Variants in STARD8 observed in about 807,000 individuals in gnomAD.
STARD8 encodes StAR related lipid transfer domain containing 8.
In STARD8, 25 loss-of-function variants were observed where a neutral mutation model predicts 69.4. The observed-to-expected ratio is 0.36, with a 90% CI of 0.26 to 0.50. The LOEUF is 0.50. STARD8 is among the 20% of genes least tolerant of loss of function. The pLI is 0.96. For synonymous variants in STARD8, 389 were observed against 374.6 expected (o/e 1.04, Z -0.45); for missense variants, 921 against 932.5 (o/e 0.99, Z 0.16).
chrX:68,700,146 A>G (rs773583907), intron 2 of STARD8, among the ~76,000 whole-genome samples: 1 of 111,996 alleles, frequency 8.9e-6, no homozygotes, highest in African/African-American at 3.2e-5. Flanking sequence ...TAGAAGAGTG[A>G]ATCAGACAGT....
chrX:68,722,043 C>G lies in STARD8; in HGVS notation c.2460-4C>G, dbSNP rs780010901. ...CTCCTCTCACCACCTCCTGCTCCAT[C>G]TAGGATCAAGAGCAAACGCAGCCTC... On this transcript the variant is annotated splice_polypyrimidine_tract_variant and splice_region_variant and intron_variant, in intron 10 of 14. Transcript: ENST00000374599. 1.6e-5 allele frequency: 19 copies of G among 1,188,314 alleles called. No individual in the cohort carries two copies. Among genetic ancestry groups the G allele is most frequent in the Non-Finnish European group, 2.2e-5 (19 of 877,782 alleles).
At chrX:68,677,306 C>T (rs1193348820) in intron 2 of STARD8, among the ~76,000 whole-genome samples, 1 of 111,558 alleles carries the variant, frequency 9.0e-6, no homozygotes, top group Non-Finnish European at 1.9e-5. Flanking sequence ...ATAGACATGT[C>T]CTCTTCTCCT....
intron 2 of STARD8, 106 bp downstream of exon 2, chrX:68,665,638 C>G (rs757563545): frequency 3.2e-5 from 28 of 868,996 alleles, no homozygotes; most frequent in Non-Finnish European, 4.1e-5. Context: ...AGCCAACGGC[C>G]GAGATGCAAA....
At chrX:68,708,368 A>T (rs764249347) in intron 2 of STARD8, among the ~76,000 whole-genome samples, 19 of 112,623 alleles carry the variant, frequency 1.7e-4, no homozygotes, top group Non-Finnish European at 3.0e-4. Flanking sequence ...CATAAGCCCT[A>T]TGCTTGAGTG....
At chrX:68,653,132 CCACACACCA>C (rs1198148983) in intron 1 of STARD8, among the ~76,000 whole-genome samples, 2 of 50,230 alleles carry the variant, frequency 4.0e-5, no homozygotes, top group Non-Finnish European at 7.6e-5. Context: ...CACACACACA[CCACACACCA>C]CACACACCAC....
rs1367736313 is a variant in STARD8 at position 68,661,968 on chromosome X, CTCTCTT to C, written c.46-3527_46-3522del. Among the ~76,000 whole-genome samples the C allele has an allele frequency of 6.8e-3, 507 of 74,337 alleles. 1 individual carries two copies. Among genetic ancestry groups the C allele is most frequent in the African/African-American group, 0.019 (220 of 11,870 alleles). The allele number at this position is 74,337 out of a possible 115,157, so 64.6% of individuals were successfully genotyped here. ...TTCCTCTCTCTCTCTCTCTCTCTCT[CTCTCTT>C]TCTTTCTTTCTTTCTTTCTTTCTTT... is the stretch of plus-strand genomic sequence containing the variant. On this transcript the variant is annotated intron_variant, in intron 1 of 14. Transcript: ENST00000374599.
chrX:68,660,002 T>G (rs1036113475), intron 1 of STARD8, among the ~76,000 whole-genome samples: 1 of 110,768 alleles, frequency 9.0e-6, no homozygotes, highest in African/African-American at 3.3e-5. Context: ...CGGGGGTGGA[T>G]GAGTAGGTAT....
intron 2 of STARD8, among the ~76,000 whole-genome samples, chrX:68,683,069 C>G (rs2079810247): frequency 8.9e-6 from 1 of 112,431 alleles, no homozygotes; most frequent in South Asian, 3.7e-4. Flanking sequence ...GTGCATGGCT[C>G]AGCCCCAGGA....
In STARD8 at chrX:68,709,828, GA is replaced by G. The variant is rs1243466941; in HGVS notation, c.80-3076del. ...ACAGAGTGAAACCCTGTCTCAAAAA[GA>G]AAAAAAAAACCCATAAACATGAAAA... On this transcript the variant is annotated intron_variant, in intron 2 of 14. Transcript: ENST00000374599. 2.2e-3 allele frequency among the ~76,000 whole-genome samples: 206 copies of G among 94,129 alleles called. 2 individuals carry two copies. The East Asian group carries it at 0.049, about 23-fold the overall frequency. 81.7% of individuals were successfully genotyped at this position (94,129 alleles called of 115,157 possible).
chrX:68,699,247 G>A (rs1353691806), intron 2 of STARD8, among the ~76,000 whole-genome samples: 2 of 111,833 alleles, frequency 1.8e-5, no homozygotes, highest in Non-Finnish European at 1.9e-5. Context: ...AACCCCTCTA[G>A]AGGTAGGTAT....
In STARD8 at chrX:68,722,056, C is replaced by A; in HGVS notation, c.2469C>A (p.Ser823Arg). ...CTCCTGCTCCATCTAGGATCAAGAG[C>A]AAACGCAGCCTCATTGGCAGGCCAG... The part of the protein sequence containing the change: ...KKDSPSPRIK[S>R]KRSLIGRPGP... Residue 823 changes from serine to arginine, a missense_variant, in exon 11 of 15, where the codon AGC (serine) becomes AGA (arginine). Ser to Arg is a moderately radical substitution (Grantham distance 110). Transcript: ENST00000374599. 1 of 1,200,018 alleles carries A rather than the reference C, an allele frequency of 8.3e-7. No homozygotes were observed. Among genetic ancestry groups the A allele is most frequent in the African/African-American group, 1.7e-5 (1 of 57,579 alleles).
intron 2 of STARD8, among the ~76,000 whole-genome samples, chrX:68,690,120 G>C (rs1370607834): frequency 9.1e-6 from 1 of 110,061 alleles, no homozygotes; most frequent in Non-Finnish European, 1.9e-5. Flanking sequence ...CAAGCCACCA[G>C]GGAGCAGGCT....
intron 3 of STARD8, 149 bp downstream of exon 3, chrX:68,713,134 G>A: frequency 1.9e-6 from 1 of 527,290 alleles, no homozygotes; most frequent in Non-Finnish European, 3.1e-6. Flanking sequence ...CTTTGCTCCT[G>A]CAGTTGCACC....
In STARD8 at chrX:68,718,576, G is replaced by A; in HGVS notation, c.1662G>A (p.Met554Ile). ...CCCTGGCTGGACTCCAGGCATCAATGCCCCGTGAACGGCGCGATTCAGGTG... is the reference window on the plus strand; with the variant it reads ...CCCTGGCTGGACTCCAGGCATCAATACCCCGTGAACGGCGCGATTCAGGTG... ...AGPLAGLQAS[M>I]PRERRDSGVG... The change falls in exon 6 of 15, where the codon ATG becomes ATA. Residue 554 changes from methionine (M) to isoleucine (I), a missense_variant. Physicochemically the swap from Met to Ile is conservative, Grantham distance 10. Coordinates refer to ENST00000374599, the MANE Select transcript of STARD8 (RefSeq NM_001142503.3). 5.0e-6 allele frequency: 6 copies of A among 1,211,121 alleles called. No homozygotes were observed. In the South Asian group the frequency reaches 8.8e-5, roughly 18 times the overall value.
In STARD8 at chrX:68,722,488, C is replaced by T; in HGVS notation, c.2641C>T (p.Pro881Ser). 1 of 1,210,793 alleles carries T rather than the reference C, an allele frequency of 8.3e-7. No homozygotes were observed. Residue 881 changes from proline to serine, a missense_variant, in exon 12 of 15, where the codon CCA (proline) becomes TCA (serine). Physicochemically the swap from Pro to Ser is moderately conservative, Grantham distance 74. Transcript: ENST00000374599. The part of the protein sequence containing the change: ...YSAAELSPPG[P>S]ALAELRQAQA... ...CGCAGCTGAGCTCAGCCCTCCCGGC[C>T]CAGCCCTGGCTGAGCTGCGTCAGGC...
At chrX:68,649,148 G>A (rs1343514527) in intron 1 of STARD8, among the ~76,000 whole-genome samples, 9 of 111,840 alleles carry the variant, frequency 8.0e-5, no homozygotes, top group African/African-American at 1.6e-4. Context: ...CCATTCCACC[G>A]GGAGGGACTT....
At chrX:68,679,831 C>T (rs1438867614) in intron 2 of STARD8, among the ~76,000 whole-genome samples, 1 of 111,868 alleles carries the variant, frequency 8.9e-6, no homozygotes, top group Non-Finnish European at 1.9e-5. Context: ...CGATTGGGCT[C>T]CTGGCCTGAG....
rs983033801 is a variant in STARD8, at chrX:68,647,824, A to G, written c.-59A>G. Reference sequence around the variant, plus strand: ...GCCTCTTTTAGCCTCGTCCCCAGAGAGGGAGGAGCCGGTGCCCGGCACAGC... The same window carrying G: ...GCCTCTTTTAGCCTCGTCCCCAGAGGGGGAGGAGCCGGTGCCCGGCACAGC... On this transcript the variant is annotated 5_prime_UTR_variant, in exon 1 of 15. Transcript: ENST00000374599. The G allele has an allele frequency of 2.7e-5, 31 of 1,166,571 alleles. No homozygotes were observed. In the South Asian group the frequency reaches 5.3e-4, roughly 20 times the overall value.
chrX:68,694,325 T>C (rs376240180), intron 2 of STARD8, among the ~76,000 whole-genome samples: 1 of 112,863 alleles, frequency 8.9e-6, no homozygotes, highest in East Asian at 2.8e-4. Flanking sequence ...TCCTGAGAAA[T>C]GCCCAGGACT....
Sources: gnomAD v4.1 joint callset for allele counts (sites outside exome capture counted in the v4.1 genomes callset) on GRCh38, gnomAD v4.1.1 for gene constraint, MANE v1.5 for transcripts, NCBI Gene and HGNC (gene_info 2026-07-23, HGNC 2026-07-21) for gene names.